LIMS2: variants seen among roughly 807,000 people sequenced by gnomAD.
LIMS2 encodes the protein LIM zinc finger domain containing 2.
LIMS2 carries 30 observed loss-of-function variants against 45.3 expected under a neutral mutation model. The observed-to-expected ratio is 0.66, with a 90% confidence interval of 0.50 to 0.90. The LOEUF is 0.90. Among genes scored for constraint, LIMS2 ranks in the 40% least tolerant of loss-of-function variants. LIMS2 has a pLI of 0.00. For synonymous variants in LIMS2, 173 were observed against 188.0 expected, an observed-to-expected ratio of 0.92 and a Z score of 0.65; for missense variants, 485 against 468.7, an observed-to-expected ratio of 1.03 and a Z score of -0.32.
At chr2:127,648,231 G>T (rs924210095) in intron 4 of LIMS2, 1 of 983,906 alleles carries the variant, frequency 1.0e-6, no homozygotes, top group Non-Finnish European at 1.2e-6. Flanking sequence ...AACCATCTCT[G>T]GTGTTAGAAC....
At position 127,675,117 on chromosome 2, in the gene LIMS2, G is replaced by C; in HGVS notation, c.-93C>G. 2 of 1,179,878 alleles carry C rather than the reference G, an allele frequency of 1.7e-6. No homozygotes were observed. The highest frequency in any genetic ancestry group is 2.1e-6 in the Non-Finnish European group (2 of 941,374). 73.1% of individuals were successfully genotyped at this position (1,179,878 alleles called of 1,614,324 possible). ...CAGCCGAGCGCCCGCCCGCCAGCCC[G>C]GGCCGCGGAGCAGGGAGACGCCCAA... On this transcript the variant is annotated 5_prime_UTR_variant, in exon 1 of 10. Transcript: ENST00000355119.
intron 4 of LIMS2, among the ~76,000 whole-genome samples, chr2:127,643,705 A>G (rs533290339): frequency 1.1e-4 from 17 of 152,284 alleles, no homozygotes; most frequent in African/African-American, 3.9e-4. Context: ...ACAAATCAAC[A>G]TGGTTTCTGT....
At chr2:127,648,960 G>GAA (rs1683304374) in intron 4 of LIMS2, among the ~76,000 whole-genome samples, 1 of 29,136 alleles carries the variant, frequency 3.4e-5, no homozygotes, top group Admixed American at 2.8e-4. Context: ...GGGAGGGGAG[G>GAA]GGAGGGGGGG....
rs1685272507 is a variant in LIMS2, at chr2:127,671,593, C to T, written c.11+3421G>A. ...GCTGACTGTTAACTATTCAGGAATT[C>T]CGTAAAGCGTTAATGCCATGTTGGT... On this transcript the variant is annotated intron_variant, in intron 1 of 9. Transcript: ENST00000355119. The surrounding 1 kb of genome is among the most constrained non-coding windows in gnomAD (Gnocchi z 4.1). Among the ~76,000 whole-genome samples the T allele has an allele frequency of 6.6e-6, 1 of 152,218 alleles. No individual in the cohort carries two copies. The highest frequency in any genetic ancestry group is 1.5e-5 in the Non-Finnish European group (1 of 68,046).
In LIMS2 at chr2:127,657,510, A is replaced by G; in HGVS notation, c.64T>C (p.Phe22Leu). The G allele has an allele frequency of 6.2e-7, 1 of 1,612,972 alleles. No individual in the cohort carries two copies. Among genetic ancestry groups the G allele is most frequent in the Non-Finnish European group, 8.5e-7 (1 of 1,179,696 alleles). The change falls in exon 2 of 10, where the codon TTC becomes CTC. Residue 22 changes from phenylalanine (F) to leucine (L), a missense_variant. By Grantham distance (22) the Phe-to-Leu change is conservative. Coordinates refer to ENST00000355119, the MANE Select transcript of LIMS2 (RefSeq NM_001161403.3). ...NAVCQRCQARFSPAERIVNSN... is the reference protein window; with the variant it reads ...NAVCQRCQARLSPAERIVNSN... ...TTGACAATGCGCTCGGCGGGGGAGAAGCGGGCCTGGCAGCGCTGGCACACG... is the reference window on the plus strand; with the variant it reads ...TTGACAATGCGCTCGGCGGGGGAGAGGCGGGCCTGGCAGCGCTGGCACACG...
Position 127,664,356 on chromosome 2 carries a change from C to T in LIMS2, c.12-6794G>A, listed in dbSNP as rs948531118. The T allele has an allele frequency of 4.1e-6, 5 of 1,219,410 alleles. No homozygotes were observed. Among genetic ancestry groups the T allele is most frequent in the Non-Finnish European group, 5.1e-6 (5 of 980,260 alleles). The allele number at this position is 1,219,410 out of a possible 1,614,324, so 75.5% of individuals were successfully genotyped here. On this transcript the variant is annotated intron_variant, in intron 1 of 9. Coordinates refer to ENST00000355119, the MANE Select transcript of LIMS2 (RefSeq NM_001161403.3). This position sits in a 1 kb window ranked among gnomAD's most constrained non-coding sequence, Gnocchi z 5.5. ...GGTGCTGGCGCCGCCGGTACAGCCC[C>T]GACGCGGCCAGCGCACCCAGCCGGG...
In LIMS2 at chr2:127,672,852, G is replaced by C. The variant is rs372379294; in HGVS notation, c.11+2162C>G. Among the ~76,000 whole-genome samples the C allele has an allele frequency of 5.3e-5, 8 of 152,330 alleles. No homozygotes were observed. The East Asian group carries it at 9.6e-4, about 18-fold the overall frequency. Reference sequence around the variant, plus strand: ...GCAGGGAGAAGCCCTGAAGGTATGCGAGCAGAGAGGGTGTTTCCCAAAAGC... The same window carrying C: ...GCAGGGAGAAGCCCTGAAGGTATGCCAGCAGAGAGGGTGTTTCCCAAAAGC... On this transcript the variant is annotated intron_variant, in intron 1 of 9. Coordinates refer to ENST00000355119, the MANE Select transcript of LIMS2 (RefSeq NM_001161403.3). This position sits in a 1 kb window ranked among gnomAD's most constrained non-coding sequence, Gnocchi z 4.9.
intron 4 of LIMS2, chr2:127,643,510 T>C (rs1558870826): frequency 2.2e-6 from 1 of 456,856 alleles, no homozygotes; most frequent in Admixed American, 2.3e-5. Context: ...TCCTTCGGGG[T>C]TTGCCAGATG....
At position 127,643,083 on chromosome 2, in the gene LIMS2, C is replaced by G; in HGVS notation, c.360-11G>C. 1.3e-6 allele frequency: 2 copies of G among 1,563,480 alleles called. No individual in the cohort carries two copies. ...GGCCGGCAGAGATGCCTGCGGGAGG[C>G]GGGGGCATTAGGGGCAGAGCCCCCA... On this transcript the variant is annotated splice_polypyrimidine_tract_variant and intron_variant, in intron 4 of 9. Transcript: ENST00000355119.
chr2:127,650,829 A>C, intron 4 of LIMS2: 1 of 1,614,052 alleles, frequency 6.2e-7, no homozygotes, highest in Non-Finnish European at 8.5e-7. Context: ...ACTGGAGAAC[A>C]TGCTGTTCGC....
At chr2:127,665,975 C>T (rs930835211) in intron 1 of LIMS2, among the ~76,000 whole-genome samples, 2 of 152,138 alleles carry the variant, frequency 1.3e-5, no homozygotes, top group African/African-American at 2.4e-5. Flanking sequence ...ACTATAAAAG[C>T]GGACATCGAA....
chr2:127,657,476 C>G lies in LIMS2; in HGVS notation c.98G>C (p.Gly33Ala). The G allele has an allele frequency of 1.2e-6, 2 of 1,613,780 alleles. No individual in the cohort carries two copies. Among genetic ancestry groups the G allele is most frequent in the Non-Finnish European group, 1.7e-6 (2 of 1,179,978 alleles). ...SPAERIVNSN[G>A]ELYHEHCFVC... ...GAAGCAGTGCTCATGGTACAGCTCC[C>G]CATTGCTGTTGACAATGCGCTCGGC... is the stretch of plus-strand genomic sequence containing the variant. The change falls in exon 2 of 10, where the codon GGG becomes GCG. Residue 33 changes from glycine (G) to alanine (A), a missense_variant. Transcript: ENST00000355119.
At chr2:127,657,839 G>A (rs577753485) in intron 1 of LIMS2, among the ~76,000 whole-genome samples, 4 of 152,298 alleles carry the variant, frequency 2.6e-5, no homozygotes, top group Admixed American at 2.6e-4. Context: ...CAGCACAGGT[G>A]AGCGGCTCTG....
rs574168319 is a variant in LIMS2 at position 127,639,832 on chromosome 2, T to C, written c.878+238A>G. On this transcript the variant is annotated intron_variant, in intron 9 of 9. Transcript: ENST00000355119. ...CCAGAGCCCAGGGTTCTGGCAGGTG[T>C]GTTGGAGGCATGAGTGTTCCTCCTC... Among the ~76,000 whole-genome samples, 428 of 152,206 alleles carry C rather than the reference T, an allele frequency of 2.8e-3. 2 individuals carry two copies. Among genetic ancestry groups the C allele is most frequent in the Admixed American group, 5.6e-3 (85 of 15,306 alleles).
rs560171965 is a variant in LIMS2, at chr2:127,650,972, G to C, written c.359+3452C>G. 10 of 1,613,782 alleles carry C rather than the reference G, an allele frequency of 6.2e-6. No individual in the cohort carries two copies. The East Asian group carries it at 2.0e-4, about 32-fold the overall frequency. On this transcript the variant is annotated intron_variant, in intron 4 of 9. Transcript: ENST00000355119. ...TGCATCTGGCCGTGGCCGACTTGTC[G>C]TGCGTGCTGGTCCTGCCCACCCGCC...
At chr2:127,651,081 T>C (rs1683719246) in intron 4 of LIMS2, 1 of 1,613,576 alleles carries the variant, frequency 6.2e-7, no homozygotes, top group South Asian at 1.1e-5. Flanking sequence ...CCTCAACATG[T>C]ACGCCAGCAT....
In LIMS2 at chr2:127,640,100, CAGG is replaced by C; in HGVS notation, c.845_847del (p.Ser282del). On this transcript the variant is annotated inframe_deletion, in exon 9 of 10. Transcript: ENST00000355119. ...GGTGAGCTTGCTGTTGCAGGTGGAGCAGGAGAAGCAGCTCACACACCAGGCCTT... is the reference window on the plus strand; with the variant it reads ...GGTGAGCTTGCTGTTGCAGGTGGAGCAGAAGCAGCTCACACACCAGGCCTT... 6.2e-7 allele frequency: 1 copy of C among 1,613,486 alleles called. No individual in the cohort carries two copies. The highest frequency in any genetic ancestry group is 2.2e-5 in the East Asian group (1 of 44,884).
At chr2:127,680,193 C>T (rs767181587), upstream of LIMS2, among the ~76,000 whole-genome samples, 3 of 152,232 alleles carry the variant, frequency 2.0e-5, no homozygotes, top group African/African-American at 2.4e-5. Flanking sequence ...CCCTCCCGGG[C>T]GGCTCCCTGG....
At chr2:127,660,590 C>T (rs903281044) in intron 1 of LIMS2, among the ~76,000 whole-genome samples, 1 of 152,192 alleles carries the variant, frequency 6.6e-6, no homozygotes, top group African/African-American at 2.4e-5. Flanking sequence ...ACCACAACCC[C>T]ACCGGAAGGA....
Sources: allele counts gnomAD v4.1 joint callset (sites outside exome capture counted in the v4.1 genomes callset), GRCh38; gene constraint gnomAD v4.1.1; non-coding constraint Gnocchi (gnomAD v3.1); transcripts MANE v1.5; gene names NCBI Gene and HGNC (gene_info 2026-07-23, HGNC 2026-07-21).